TNFSF18: variants seen among roughly 807,000 people sequenced by gnomAD.
The protein encoded by TNFSF18 is TNF superfamily member 18.
In TNFSF18, 6 loss-of-function variants were observed where a neutral mutation model predicts 9.6. The ratio of observed to expected loss-of-function variants is 0.63; its 90% CI spans 0.34 to 1.24. The LOEUF is 1.24. TNFSF18 is among the 50% of genes most tolerant of loss of function. The pLI, the probability that TNFSF18 is intolerant of heterozygous loss-of-function variation, is 0.03. For missense variants in TNFSF18, 210 were observed against 201.0 expected, an observed-to-expected ratio of 1.04 and a Z score of -0.27; for synonymous variants, 68 against 71.7, an observed-to-expected ratio of 0.95 and a Z score of 0.26.
At chr1:173,041,818 T>TATGA in intron 2 of TNFSF18, 105 bp from the exon 3 acceptor site, 1 of 945,790 alleles carries the variant, frequency 1.1e-6, no homozygotes, top group Non-Finnish European at 1.5e-6. Flanking sequence ...TGTTGTTTCT[T>TATGA]TACCTGATCT....
Sources: allele counts gnomAD v4.1 joint callset, GRCh38; gene constraint gnomAD v4.1.1; transcripts MANE v1.5; gene names NCBI Gene and HGNC (gene_info 2026-07-23, HGNC 2026-07-21).